TSPAN7: variants seen among roughly 807,000 people sequenced by gnomAD.
TSPAN7 encodes the protein tetraspanin 7, also known as tetraspanin-7.
Under a neutral mutation model 17.6 loss-of-function variants are expected in TSPAN7, and 1 was observed. That is an observed-to-expected ratio of 0.06 (90% confidence interval 0.02 to 0.27). The LOEUF (loss-of-function observed/expected upper bound fraction) is 0.27. Among genes scored for constraint, TSPAN7 ranks in the 10% least tolerant of loss-of-function variants. The pLI, the probability that TSPAN7 is intolerant of heterozygous loss-of-function variation, is 1.00. For missense variants in TSPAN7, 112 were observed against 201.7 expected, an observed-to-expected ratio of 0.56 and a Z score of 2.69; for synonymous variants, 78 against 79.0, an observed-to-expected ratio of 0.99 and a Z score of 0.07.
chrX:38,654,354 C>T (rs752557989), intron 1 of TSPAN7, among the ~76,000 whole-genome samples: 3 of 112,409 alleles, frequency 2.7e-5, no homozygotes, highest in South Asian at 3.7e-4. Flanking sequence ...CTACAGACCT[C>T]ATAGAGTTAT....
At chrX:38,664,880 C>A (rs1341056122) in intron 1 of TSPAN7, among the ~76,000 whole-genome samples, 1 of 111,786 alleles carries the variant, frequency 8.9e-6, no homozygotes, top group Non-Finnish European at 1.9e-5. Context: ...ATTCTTCGTC[C>A]TGCACACACA....
At chrX:38,570,948 T>C (rs193110094) in intron 1 of TSPAN7, 67 of 112,309 alleles carry the variant, frequency 6.0e-4, no homozygotes, top group African/African-American at 2.1e-3. Flanking sequence ...GTTAAACAGG[T>C]AAGCATTTTA....
At chrX:38,604,326 T>C (rs1238232690) in intron 1 of TSPAN7, among the ~76,000 whole-genome samples, 2 of 107,181 alleles carry the variant, frequency 1.9e-5, no homozygotes, top group Admixed American at 1.0e-4. Context: ...AGTGCTGCAA[T>C]AAACATACGT....
At chrX:38,619,363 T>C (rs2069475937) in intron 1 of TSPAN7, among the ~76,000 whole-genome samples, 1 of 111,837 alleles carries the variant, frequency 8.9e-6, no homozygotes, top group African/African-American at 3.3e-5. Context: ...CAGGTGATAT[T>C]GTTCATGCCC....
intron 1 of TSPAN7, among the ~76,000 whole-genome samples, chrX:38,580,887 G>A (rs921269382): frequency 1.8e-5 from 2 of 111,449 alleles, no homozygotes; most frequent in African/African-American, 6.5e-5. Flanking sequence ...GAAGAGATGG[G>A]TTAGAGGGTA....
Position 38,642,846 on chromosome X carries a change from A to C in TSPAN7, c.82-23275A>C, listed in dbSNP as rs182631311. ...CTGTAAAATGGGGAGTAATAATCCT[A>C]CCTCCCATGAGGTAGGATTATTATA... On this transcript the variant is annotated intron_variant, in intron 1 of 7. Transcript: ENST00000378482. 2.1e-4 allele frequency among the ~76,000 whole-genome samples: 23 copies of C among 109,848 alleles called. No individual in the cohort carries two copies. The Admixed American group carries it at 2.1e-3, about 10-fold the overall frequency.
chrX:38,563,775 T>A (rs748334781), intron 1 of TSPAN7, among the ~76,000 whole-genome samples: 48 of 111,710 alleles, frequency 4.3e-4, no homozygotes, highest in African/African-American at 1.5e-3. Context: ...ACCTGGAACA[T>A]TTTCAATAGT....
chrX:38,679,128 C>A (rs943951293), intron 5 of TSPAN7, among the ~76,000 whole-genome samples: 2 of 112,154 alleles, frequency 1.8e-5, no homozygotes, highest in African/African-American at 6.5e-5. Flanking sequence ...AATAATGTGA[C>A]CAAGTCTAAA....
At chrX:38,610,624 A>G (rs992089705) in intron 1 of TSPAN7, among the ~76,000 whole-genome samples, 1 of 111,230 alleles carries the variant, frequency 9.0e-6, no homozygotes, top group Non-Finnish European at 1.9e-5. Flanking sequence ...GTGTGCAGCC[A>G]TGGTTGAGAA....
Position 38,586,456 on chromosome X carries a change from T to A in TSPAN7, c.81+24829T>A, listed in dbSNP as rs762491604. On this transcript the variant is annotated intron_variant, in intron 1 of 7. Transcript: ENST00000378482. ...TGTCATATGTTAGGAGATGAAAAGA[T>A]TAAATGACCTATTTGCCCAGAGTCT... 1.2e-3 allele frequency among the ~76,000 whole-genome samples: 135 copies of A among 112,457 alleles called. 1 individual carries two copies. The highest frequency in any genetic ancestry group is 1.9e-3 in the Non-Finnish European group (101 of 53,320).
chrX:38,584,325 C>T (rs1307898513), intron 1 of TSPAN7, among the ~76,000 whole-genome samples: 9 of 111,094 alleles, frequency 8.1e-5, no homozygotes, highest in African/African-American at 2.9e-4. Context: ...AGATAACGTC[C>T]ACATGGGCAT....
chrX:38,650,774 T>G (rs2069671627), intron 1 of TSPAN7, among the ~76,000 whole-genome samples: 1 of 111,808 alleles, frequency 8.9e-6, no homozygotes, highest in Non-Finnish European at 1.9e-5. Flanking sequence ...TATACTTTTC[T>G]GGACTTCTCA....
At chrX:38,680,544 TCTCTCTCTCTCTCTCTCTC>T (rs2069883138) in intron 5 of TSPAN7, among the ~76,000 whole-genome samples, 1 of 40,736 alleles carries the variant, frequency 2.5e-5, no homozygotes, top group African/African-American at 9.4e-5. Context: ...ACAAATTCTC[TCTCTCTCTCTCTCTCTCTC>T]TCTCTCTCTC....
chrX:38,657,914 G>T (rs1261283572), intron 1 of TSPAN7, among the ~76,000 whole-genome samples: 1 of 111,816 alleles, frequency 8.9e-6, no homozygotes, highest in African/African-American at 3.3e-5. Context: ...TCTGTGATTT[G>T]TTATACCTTG....
intron 1 of TSPAN7, among the ~76,000 whole-genome samples, chrX:38,576,670 T>A (rs765516236): frequency 8.0e-5 from 9 of 111,853 alleles, no homozygotes; most frequent in African/African-American, 2.9e-4. Flanking sequence ...TGGACAGAGT[T>A]CACTTGGAGA....
At chrX:38,655,172 G>A (rs1052378535) in intron 1 of TSPAN7, among the ~76,000 whole-genome samples, 1 of 111,321 alleles carries the variant, frequency 9.0e-6, no homozygotes, top group African/African-American at 3.3e-5. Context: ...GTTTCAGCAG[G>A]ATCATCTCAA....
chrX:38,575,149 A>G (rs2069187356), intron 1 of TSPAN7, among the ~76,000 whole-genome samples: 1 of 110,872 alleles, frequency 9.0e-6, no homozygotes, highest in South Asian at 3.9e-4. Context: ...ACCAGCAAGC[A>G]ACTGAATGCT....
At chrX:38,639,316 G>A (rs1391504221) in intron 1 of TSPAN7, among the ~76,000 whole-genome samples, 1 of 109,078 alleles carries the variant, frequency 9.2e-6, no homozygotes, top group Non-Finnish European at 1.9e-5. Context: ...AGGAAGTTAT[G>A]TAACTTGTCC....
intron 1 of TSPAN7, among the ~76,000 whole-genome samples, chrX:38,639,221 T>G (rs980952917): frequency 1.8e-4 from 20 of 110,414 alleles, no homozygotes; most frequent in African/African-American, 6.6e-4. Context: ...TACTTTACAT[T>G]ATTTCATCTG....
Sources: gnomAD v4.1 joint callset for allele counts (sites outside exome capture counted in the v4.1 genomes callset) on GRCh38, gnomAD v4.1.1 for gene constraint, MANE v1.5 for transcripts, NCBI Gene and HGNC (gene_info 2026-07-23, HGNC 2026-07-21) for gene names.